The following SH3RF3 variants were observed in gnomAD, a reference collection of about 807,000 sequenced individuals.
SH3RF3 encodes the protein SH3 domain containing ring finger 3, also known as E3 ubiquitin-protein ligase SH3RF3.
SH3RF3 carries 29 observed loss-of-function variants against 66.3 expected under a neutral mutation model. The observed-to-expected ratio is 0.44, with a 90% CI of 0.33 to 0.60. SH3RF3 has a LOEUF of 0.60. Among genes scored for constraint, SH3RF3 ranks in the 20% least tolerant of loss-of-function variants. SH3RF3 has a pLI of 0.04. For missense variants in SH3RF3, 1,194 were observed against 1,190.9 expected (o/e 1.00, Z -0.04); for synonymous variants, 583 against 532.0 (o/e 1.10, Z -1.32).
At chr2:109,411,172 C>T (rs78357376) in intron 4 of SH3RF3, among the ~76,000 whole-genome samples, 6,730 of 152,268 alleles carry the variant, frequency 0.044, 261 homozygotes, top group African/African-American at 0.098. Flanking sequence ...CTCTCAACCT[C>T]GTTATGAATA....
intron 1 of SH3RF3, among the ~76,000 whole-genome samples, chr2:109,297,820 C>T (rs1199350343): frequency 6.6e-6 from 1 of 152,128 alleles, no homozygotes; most frequent in Non-Finnish European, 1.5e-5. Context: ...GGTCAGTGCT[C>T]CTCACCAGGA....
At chr2:109,210,959 G>A (rs1277258153) in intron 1 of SH3RF3, among the ~76,000 whole-genome samples, 1 of 152,198 alleles carries the variant, frequency 6.6e-6, no homozygotes, top group Non-Finnish European at 1.5e-5. Flanking sequence ...CAGTGGGCTG[G>A]GTTTGGGGAT....
At chr2:109,208,539 G>A (rs1678894023) in intron 1 of SH3RF3, among the ~76,000 whole-genome samples, 1 of 152,162 alleles carries the variant, frequency 6.6e-6, no homozygotes, top group Non-Finnish European at 1.5e-5. Flanking sequence ...TGGAAGTGGA[G>A]CCACCAGCAC....
At chr2:109,495,304 G>C (rs1249398473) in intron 9 of SH3RF3, among the ~76,000 whole-genome samples, 1 of 152,138 alleles carries the variant, frequency 6.6e-6, no homozygotes, top group Non-Finnish European at 1.5e-5. Context: ...ACCCTGGTCT[G>C]TTCTGGTGCA....
intron 1 of SH3RF3, among the ~76,000 whole-genome samples, chr2:109,201,322 C>G (rs550384020): frequency 6.6e-6 from 1 of 152,374 alleles, no homozygotes; most frequent in East Asian, 1.9e-4. Context: ...ACAGGCCTCC[C>G]TGATCTGTGA....
chr2:109,135,872 A>G (rs1676803155), intron 1 of SH3RF3, among the ~76,000 whole-genome samples: 1 of 152,210 alleles, frequency 6.6e-6, no homozygotes, highest in African/African-American at 2.4e-5. Flanking sequence ...ACTTCATTAA[A>G]AGGGAAAAAA....
At chr2:109,305,986 A>G (rs908038417) in intron 1 of SH3RF3, among the ~76,000 whole-genome samples, 1 of 152,214 alleles carries the variant, frequency 6.6e-6, no homozygotes, top group Non-Finnish European at 1.5e-5. Context: ...TGAGCACAGT[A>G]GATCTGGGCA....
chr2:109,383,111 T>C (rs1675739097), intron 3 of SH3RF3, among the ~76,000 whole-genome samples: 1 of 152,224 alleles, frequency 6.6e-6, no homozygotes, highest in Non-Finnish European at 1.5e-5. Flanking sequence ...GAGGCACTTG[T>C]CCCCAGGCAG....
chr2:109,169,128 T>C (rs891856157), intron 1 of SH3RF3, among the ~76,000 whole-genome samples: 2 of 152,148 alleles, frequency 1.3e-5, no homozygotes, highest in African/African-American at 4.8e-5. Context: ...GTAGATTTGT[T>C]AGTTGTAAGG....
At chr2:109,353,705 A>T (rs2105590371) in intron 2 of SH3RF3, among the ~76,000 whole-genome samples, 1 of 149,024 alleles carries the variant, frequency 6.7e-6, no homozygotes, top group East Asian at 1.9e-4. Context: ...AATGCCAGGG[A>T]TGCTGTGGAG....
Position 109,388,081 on chromosome 2 carries a change from GTGCACACACA to G in SH3RF3, c.946-10497_946-10488del, listed in dbSNP as rs535733609. On this transcript the variant is annotated intron_variant, in intron 3 of 9. Coordinates refer to ENST00000309415, the MANE Select transcript of SH3RF3 (RefSeq NM_001099289.3). ...CTCCTTTAGACAACTCTTGACCCCT[GTGCACACACA>G]TGCACACACATTCACCATCCTACGC... Among the ~76,000 whole-genome samples, 54 of 152,264 alleles carry G rather than the reference GTGCACACACA, an allele frequency of 3.5e-4. 3 individuals carry two copies. In the South Asian group the frequency reaches 0.011, roughly 30 times the overall value.
chr2:109,190,004 G>A (rs1665700155), intron 1 of SH3RF3, among the ~76,000 whole-genome samples: 1 of 152,188 alleles, frequency 6.6e-6, no homozygotes, highest in Non-Finnish European at 1.5e-5. Context: ...GGTTTATCAT[G>A]GAAGAAGTCT....
rs2104382849 is a variant in SH3RF3, at chr2:109,491,012, A to C, written c.2480+76A>C. On this transcript the variant is annotated intron_variant, in intron 9 of 9. Coordinates refer to ENST00000309415, the MANE Select transcript of SH3RF3 (RefSeq NM_001099289.3). ...AGGTCTGGAGCCACCTTCGGGGAGC[A>C]GGGACACTGTGGCCTTGCTGGGATT... The C allele has an allele frequency of 2.3e-6, 3 of 1,330,410 alleles. No homozygotes were observed. In the South Asian group the frequency reaches 5.5e-5, roughly 24 times the overall value. 82.4% of individuals were successfully genotyped at this position (1,330,410 alleles called of 1,614,324 possible). A position where few individuals can be genotyped will look rare whatever the true frequency, so the allele number is the denominator to read the frequency against.
chr2:109,138,795 G>A (rs1676870257), intron 1 of SH3RF3, among the ~76,000 whole-genome samples: 1 of 152,214 alleles, frequency 6.6e-6, no homozygotes, highest in Admixed American at 6.5e-5. Context: ...CAGAACGAGT[G>A]ATGTTAATAA....
At chr2:109,350,445 T>C (rs375868777) in intron 2 of SH3RF3, among the ~76,000 whole-genome samples, 165 of 152,310 alleles carry the variant, frequency 1.1e-3, no homozygotes, top group African/African-American at 3.9e-3. Context: ...CCTCTGGGTG[T>C]GATCCCCAGA....
intron 1 of SH3RF3, among the ~76,000 whole-genome samples, chr2:109,347,340 G>A (rs181180672): frequency 6.6e-6 from 1 of 152,216 alleles, no homozygotes; most frequent in African/African-American, 2.4e-5. Flanking sequence ...CCCTCTCTGT[G>A]CCTCAGTGTC....
chr2:109,296,105 G>A (rs1246882642), intron 1 of SH3RF3, among the ~76,000 whole-genome samples: 2 of 152,088 alleles, frequency 1.3e-5, no homozygotes, highest in East Asian at 1.9e-4. Flanking sequence ...AGGCTGCTGG[G>A]TCCATTCACT....
At chr2:109,450,661 AT>A (rs147896123) in intron 8 of SH3RF3, among the ~76,000 whole-genome samples, 37 of 150,470 alleles carry the variant, frequency 2.5e-4, no homozygotes, top group East Asian at 7.8e-4. Context: ...ATATTTTAGT[AT>A]TTTTTTTTTA....
rs117876413 is a variant in SH3RF3, at chr2:109,350,667, G to A, written c.849+2718G>A. On this transcript the variant is annotated intron_variant, in intron 2 of 9. Coordinates refer to ENST00000309415, the MANE Select transcript of SH3RF3 (RefSeq NM_001099289.3). ...CCGCTCAGTTCCTGTTTTCCCCCAC[G>A]GTGGGTCCGACCCACCTTACTTCCC... Among the ~76,000 whole-genome samples, 438 of 152,244 alleles carry A rather than the reference G, an allele frequency of 2.9e-3. 15 individuals carry two copies. The East Asian group carries it at 0.077, about 27-fold the overall frequency.
Sources: gnomAD v4.1 joint callset for allele counts (sites outside exome capture counted in the v4.1 genomes callset) on GRCh38, gnomAD v4.1.1 for gene constraint, MANE v1.5 for transcripts, NCBI Gene and HGNC (gene_info 2026-07-23, HGNC 2026-07-21) for gene names.